Variants in ANO6 observed in about 807,000 individuals in gnomAD.
The protein encoded by ANO6 is anoctamin-6.
Under a neutral mutation model 117.5 loss-of-function variants are expected in ANO6, and 106 were observed. That is an observed-to-expected ratio of 0.90 (90% CI 0.77 to 1.06). ANO6 has a LOEUF of 1.06. Ranked by LOEUF, ANO6 falls within the 50% of genes least tolerant of loss-of-function variation. ANO6 has a pLI of 0.00. For missense variants in ANO6, 955 were observed against 1,121.1 expected (o/e 0.85, Z 2.12); for synonymous variants, 367 against 385.1 (o/e 0.95, Z 0.55).
chr12:45,421,006 C>A (rs1443813050), intron 17 of ANO6, 65 bp from the exon 18 acceptor site: 1 of 1,540,782 alleles, frequency 6.5e-7, no homozygotes, highest in Non-Finnish European at 9.0e-7. Flanking sequence ...GCAGCAAGAG[C>A]GAGACTCCGT....
intron 3 of ANO6, among the ~76,000 whole-genome samples, chr12:45,334,838 C>T (rs1158470001): frequency 6.6e-6 from 1 of 152,034 alleles, no homozygotes; most frequent in Admixed American, 6.6e-5. Context: ...CCATATATTT[C>T]TCCAACTCCT....
In ANO6 at chr12:45,315,570, T is replaced by C. The variant is rs551883096; in HGVS notation, c.150+13477T>C. 2.6e-5 allele frequency among the ~76,000 whole-genome samples: 4 copies of C among 152,146 alleles called. No individual in the cohort carries two copies. The South Asian group carries it at 8.3e-4, about 32-fold the overall frequency. On this transcript the variant is annotated intron_variant, in intron 2 of 19. Transcript: ENST00000320560. ...TCCTCAGAGCTGAGCCCCACTCATC[T>C]TTTCTCACTTACTCACTCTCCTCCT...
intron 2 of ANO6, among the ~76,000 whole-genome samples, chr12:45,326,091 G>A (rs1302900981): frequency 6.6e-6 from 1 of 152,142 alleles, no homozygotes; most frequent in Non-Finnish European, 1.5e-5. Flanking sequence ...TTATGCTCAA[G>A]GCATTGCGCC....
chr12:45,387,391 C>A (rs2137572974), intron 10 of ANO6, among the ~76,000 whole-genome samples: 1 of 152,126 alleles, frequency 6.6e-6, no homozygotes, highest in South Asian at 2.1e-4. Context: ...ATTCCTCTTC[C>A]CCTGTAGGCC....
intron 3 of ANO6, among the ~76,000 whole-genome samples, chr12:45,346,546 G>A (rs1489380537): frequency 6.6e-6 from 1 of 152,116 alleles, no homozygotes; most frequent in East Asian, 1.9e-4. Flanking sequence ...ATTTGGTCAA[G>A]ATATGCAGGG....
At chr12:45,257,145 C>G (rs1937863375) in intron 1 of ANO6, among the ~76,000 whole-genome samples, 1 of 152,192 alleles carries the variant, frequency 6.6e-6, no homozygotes, top group Non-Finnish European at 1.5e-5. Context: ...CCTGCTTCGT[C>G]TGTTCAACTT....
chr12:45,415,614 G>A (rs1480390338), intron 16 of ANO6, among the ~76,000 whole-genome samples: 1 of 152,170 alleles, frequency 6.6e-6, no homozygotes, highest in Non-Finnish European at 1.5e-5. Context: ...CACCAACTCT[G>A]GTCCTTGCCT....
At chr12:45,232,183 A>C (rs997408250) in intron 1 of ANO6, among the ~76,000 whole-genome samples, 1 of 152,226 alleles carries the variant, frequency 6.6e-6, no homozygotes, top group Non-Finnish European at 1.5e-5. Context: ...TCCCATCTTC[A>C]ATAGAGCTTA....
intron 19 of ANO6, among the ~76,000 whole-genome samples, chr12:45,428,739 CTT>C (rs1044372919): frequency 3.3e-5 from 5 of 152,278 alleles, no homozygotes; most frequent in Admixed American, 3.3e-4. Flanking sequence ...ATAGCACTGA[CTT>C]TTGGAGAAGT....
intron 9 of ANO6, among the ~76,000 whole-genome samples, chr12:45,376,926 T>C (rs1942041743): frequency 2.6e-5 from 4 of 152,096 alleles, no homozygotes; most frequent in Non-Finnish European, 5.9e-5. Context: ...TTTAGGATTA[T>C]GCTTGCTTTC....
Position 45,421,240 on chromosome 12 carries a change from C to G in ANO6, c.2387C>G (p.Pro796Arg), listed in dbSNP as rs377413251. Residue 796 changes from proline to arginine, a missense_variant, in exon 18 of 20, where the codon CCG becomes CGG. Physicochemically the swap from Pro to Arg is moderately radical, Grantham distance 103. Coordinates refer to ENST00000320560, the MANE Select transcript of ANO6 (RefSeq NM_001025356.3). ...TTCAAAAACAAAAGCAAGGGAAACCCGTACTCTGACCTGGGTAACCATACC... is the reference window on the plus strand; with the variant it reads ...TTCAAAAACAAAAGCAAGGGAAACCGGTACTCTGACCTGGGTAACCATACC... ...ADFKNKSKGN[P>R]YSDLGNHTTC... The G allele has an allele frequency of 5.0e-6, 8 of 1,614,140 alleles. No homozygotes were observed. In the South Asian group the frequency reaches 7.7e-5, roughly 16 times the overall value.
intron 12 of ANO6, among the ~76,000 whole-genome samples, chr12:45,393,059 A>G (rs1029523990): frequency 6.6e-6 from 1 of 152,254 alleles, no homozygotes; most frequent in Non-Finnish European, 1.5e-5. Context: ...TAGCTAAAAG[A>G]TAATGTTCTA....
chr12:45,285,896 A>G (rs1171826342), intron 1 of ANO6, among the ~76,000 whole-genome samples: 1 of 152,140 alleles, frequency 6.6e-6, no homozygotes, highest in African/African-American at 2.4e-5. Context: ...CCTCCTCCCC[A>G]CTGGAGGTCT....
At chr12:45,435,032 A>G (rs921097868), downstream of ANO6, among the ~76,000 whole-genome samples, 2 of 152,190 alleles carry the variant, frequency 1.3e-5, no homozygotes, top group African/African-American at 4.8e-5. Context: ...TTCCCAGACA[A>G]TATTCTTCCA....
At chr12:45,367,173 G>C (rs1941707760) in intron 8 of ANO6, among the ~76,000 whole-genome samples, 1 of 152,096 alleles carries the variant, frequency 6.6e-6, no homozygotes, top group South Asian at 2.1e-4. Context: ...GTAGAGACAG[G>C]GTTTTGCCAT....
Position 45,216,147 on chromosome 12 carries a change from G to A in ANO6, c.-175G>A, listed in dbSNP as rs937493056. On this transcript the variant is annotated 5_prime_UTR_variant, in exon 1 of 20. Coordinates refer to ENST00000320560, the MANE Select transcript of ANO6 (RefSeq NM_001025356.3). ...GAGGCGTCCTCCGGCTCTGGGCTCCGGTCGGTGGGTGCCTCGGCTCGGCTT... is the reference window on the plus strand; with the variant it reads ...GAGGCGTCCTCCGGCTCTGGGCTCCAGTCGGTGGGTGCCTCGGCTCGGCTT... 26 of 678,996 alleles carry A rather than the reference G, an allele frequency of 3.8e-5. No individual in the cohort carries two copies. The South Asian group carries it at 3.9e-4, about 10-fold the overall frequency. The allele number at this position is 678,996 out of a possible 1,614,324, so 42.1% of individuals were successfully genotyped here. A position where few individuals can be genotyped will look rare whatever the true frequency, so the allele number is the denominator to read the frequency against.
At chr12:45,417,084 T>TGAAAA (rs1259920254) in intron 17 of ANO6, among the ~76,000 whole-genome samples, 180 bp downstream of exon 17, 4 of 152,240 alleles carry the variant, frequency 2.6e-5, no homozygotes, top group Admixed American at 1.3e-4. Context: ...TTGTATATAA[T>TGAAAA]TATTTTTAAC....
intron 1 of ANO6, among the ~76,000 whole-genome samples, chr12:45,292,121 T>C (rs1939121976): frequency 6.6e-6 from 1 of 152,238 alleles, no homozygotes. Flanking sequence ...AACGAAGTAT[T>C]ATTCTGTCAT....
chr12:45,288,458 A>C (rs756137134), intron 1 of ANO6, among the ~76,000 whole-genome samples: 1 of 152,292 alleles, frequency 6.6e-6, no homozygotes, highest in South Asian at 2.1e-4. Context: ...GAATATGACT[A>C]TTCTAAGTAC....
Sources: gnomAD v4.1 joint callset for allele counts (sites outside exome capture counted in the v4.1 genomes callset) on GRCh38, gnomAD v4.1.1 for gene constraint, MANE v1.5 for transcripts, NCBI Gene and HGNC (gene_info 2026-07-23, HGNC 2026-07-21) for gene names.